Variants in LYST observed in about 807,000 individuals in gnomAD.
LYST encodes lysosomal trafficking regulator.
Under a neutral mutation model 413.6 loss-of-function variants are expected in LYST, and 192 were observed. The observed-to-expected ratio is 0.46, with a 90% CI of 0.41 to 0.52. The LOEUF (loss-of-function observed/expected upper bound fraction) is 0.52, where lower values mean the gene tolerates loss of function less well. Ranked by LOEUF, LYST falls within the 20% of genes least tolerant of loss-of-function variation. The pLI is 0.00. For missense variants in LYST, 3,815 were observed against 4,499.9 expected, an observed-to-expected ratio of 0.85 and a Z score of 4.35; for synonymous variants, 1,525 against 1,567.3, an observed-to-expected ratio of 0.97 and a Z score of 0.64.
rs565805096 is a variant in LYST at position 235,745,993 on chromosome 1, T to C, written c.7972+343A>G. Among the ~76,000 whole-genome samples, 139 of 152,286 alleles carry C rather than the reference T, an allele frequency of 9.1e-4. 1 individual carries two copies. Among genetic ancestry groups the C allele is most frequent in the Middle Eastern group, 3.4e-3 (1 of 294 alleles). On this transcript the variant is annotated intron_variant, in intron 29 of 52. Coordinates refer to ENST00000389793, the MANE Select transcript of LYST (RefSeq NM_000081.4). Reference sequence around the variant, plus strand: ...TGTTACTCACCTGGTGATGATATTATACTACAGTTCTGCAAGATTCATGGG... The same window carrying C: ...TGTTACTCACCTGGTGATGATATTACACTACAGTTCTGCAAGATTCATGGG...
At chr1:235,749,526 T>C (rs1168255991) in intron 28 of LYST, among the ~76,000 whole-genome samples, 3 of 152,066 alleles carry the variant, frequency 2.0e-5, no homozygotes, top group Non-Finnish European at 4.4e-5. Context: ...TAGGGGTGCA[T>C]GTGCCAGCAG....
At chr1:235,879,740 C>T (rs912295230) in intron 1 of LYST, among the ~76,000 whole-genome samples, 1 of 146,282 alleles carries the variant, frequency 6.8e-6, no homozygotes, top group Non-Finnish European at 1.5e-5. Context: ...TTCTTTCTTT[C>T]TTTTTTTTTT....
intron 1 of LYST, among the ~76,000 whole-genome samples, chr1:235,857,404 T>C (rs1679311632): frequency 6.6e-6 from 1 of 152,108 alleles, no homozygotes; most frequent in Non-Finnish European, 1.5e-5. Context: ...TCTTCCTATA[T>C]AAGGATGTTG....
intron 3 of LYST, among the ~76,000 whole-genome samples, chr1:235,816,654 C>A (rs532298003): frequency 6.6e-6 from 1 of 152,198 alleles, no homozygotes; most frequent in African/African-American, 2.4e-5. Flanking sequence ...CATTACTTGA[C>A]TTCAAACTAC....
chr1:235,666,605 C>T (rs932763043), intron 50 of LYST, among the ~76,000 whole-genome samples: 189 of 131,306 alleles, frequency 1.4e-3, no homozygotes, highest in African/African-American at 5.8e-3. Context: ...CACACACACA[C>T]ATACACACAC....
intron 21 of LYST, 77 bp from the exon 22 acceptor site, chr1:235,762,928 A>C: frequency 1.9e-6 from 2 of 1,075,740 alleles, no homozygotes; most frequent in Non-Finnish European, 2.8e-6. Context: ...AAAGCAGATC[A>C]TTAAATTCAA....
chr1:235,765,292 C>G (rs1668020709), intron 21 of LYST, among the ~76,000 whole-genome samples: 3 of 152,224 alleles, frequency 2.0e-5, no homozygotes, highest in African/African-American at 7.2e-5. Context: ...TTTATCCCTC[C>G]TTTCCAGTTC....
upstream of LYST, among the ~76,000 whole-genome samples, chr1:235,868,196 G>A (rs1364031048): frequency 6.6e-6 from 1 of 151,530 alleles, no homozygotes; most frequent in Non-Finnish European, 1.5e-5. Flanking sequence ...TTTTGAGACA[G>A]ATTCTCGCTC....
At chr1:235,857,528 AAAGAG>A (rs1250225834) in intron 1 of LYST, among the ~76,000 whole-genome samples, 3 of 152,024 alleles carry the variant, frequency 2.0e-5, no homozygotes. Flanking sequence ...AAGCACAAAG[AAAGAG>A]AAATGAGGAG....
intron 8 of LYST, among the ~76,000 whole-genome samples, chr1:235,802,364 G>C (rs190163446): frequency 1.3e-5 from 2 of 152,202 alleles, no homozygotes; most frequent in Admixed American, 1.3e-4. Flanking sequence ...AGGCAATATA[G>C]TTCCATCCTA....
intron 22 of LYST, among the ~76,000 whole-genome samples, chr1:235,761,260 C>T (rs1434395766): frequency 6.6e-6 from 1 of 152,098 alleles, no homozygotes; most frequent in Non-Finnish European, 1.5e-5. Flanking sequence ...ATCTCTATTA[C>T]CATCTCACCT....
chr1:235,699,655 C>T (rs1661392851), intron 45 of LYST, among the ~76,000 whole-genome samples: 3 of 152,218 alleles, frequency 2.0e-5, no homozygotes, highest in South Asian at 2.1e-4. Context: ...AATTGCCACA[C>T]TGTCTTCCAC....
chr1:235,829,161 C>T (rs1428981547), intron 3 of LYST: 1 of 152,176 alleles, frequency 6.6e-6, no homozygotes. Context: ...CGAGATTGCA[C>T]CACTGCACTC....
chr1:235,873,699 A>G (rs368135807), intron 1 of LYST, among the ~76,000 whole-genome samples: 3 of 152,234 alleles, frequency 2.0e-5, no homozygotes, highest in East Asian at 1.9e-4. Flanking sequence ...GTATTTGTCT[A>G]TCTTAATTCC....
At position 235,739,098 on chromosome 1, in the gene LYST, A is replaced by T. The variant is rs947531827; in HGVS notation, c.8358+2324T>A. On this transcript the variant is annotated intron_variant, in intron 31 of 52. Transcript: ENST00000389793. Reference sequence around the variant, plus strand: ...ATCTGTGATTAAAGCAGTGATGTTAAGATGGATTGGGAAAAACATCAATTC... The same window carrying T: ...ATCTGTGATTAAAGCAGTGATGTTATGATGGATTGGGAAAAACATCAATTC... 3 of 539,552 alleles carry T rather than the reference A, an allele frequency of 5.6e-6. No individual in the cohort carries two copies. The African/African-American group carries it at 5.7e-5, about 10-fold the overall frequency. The allele number at this position is 539,552 out of a possible 1,614,324, so 33.4% of individuals were successfully genotyped here.
chr1:235,871,936 T>G (rs1001361026), intron 1 of LYST, among the ~76,000 whole-genome samples: 2 of 152,192 alleles, frequency 1.3e-5, no homozygotes, highest in African/African-American at 4.8e-5. Flanking sequence ...GGTTCCTGGC[T>G]GGCTCTGAAA....
Position 235,753,163 on chromosome 1 carries a change from A to G in LYST, c.7341T>C (p.Ala2447=), listed in dbSNP as rs762986997. Residue 2447 remains alanine, a synonymous_variant, in exon 26 of 53, where the codon GCT becomes GCC. Coordinates refer to ENST00000389793, the MANE Select transcript of LYST (RefSeq NM_000081.4). ...SLYDNILLHN[A]LLLLLQILNS... ...TTAAAATTTGGAGAAGAAGTAAAAG[A>G]GCATTATGCAAGAGTATGTTGTCAT... 9 of 1,606,694 alleles carry G rather than the reference A, an allele frequency of 5.6e-6. No homozygotes were observed. The highest frequency in any genetic ancestry group is 7.7e-6 in the Non-Finnish European group (9 of 1,173,504).
intron 30 of LYST, among the ~76,000 whole-genome samples, chr1:235,742,570 TTATA>T (rs35428246): frequency 1.1e-3 from 157 of 146,944 alleles, no homozygotes; most frequent in Non-Finnish European, 1.1e-3. Flanking sequence ...AAATTTTATG[TTATA>T]TATATATATA....
rs755212068 is a variant in LYST at position 235,759,360 on chromosome 1, T to C, written c.6493A>G (p.Ile2165Val). 13 of 1,614,092 alleles carry C rather than the reference T, an allele frequency of 8.1e-6. No homozygotes were observed. Among genetic ancestry groups the C allele is most frequent in the South Asian group, 1.1e-5 (1 of 91,092 alleles). The change falls in exon 23 of 53, where the codon ATC becomes GTC. Residue 2165 changes from isoleucine to valine, a missense_variant. This residue lies in a region of LYST where 771 missense variants were observed against 837.1 expected (regional missense o/e 0.92). Transcript: ENST00000389793. Reference sequence around the variant, plus strand: ...GTTTTTGCAGACTCACAGCTACTGATGAATGCGTCCTCTTTGCCTTTTTTC... The same window carrying C: ...GTTTTTGCAGACTCACAGCTACTGACGAATGCGTCCTCTTTGCCTTTTTTC... The part of the protein sequence containing the change: ...TLKKGKEDAF[I>V]SSCESAKTVC...
Sources: allele counts gnomAD v4.1 joint callset (sites outside exome capture counted in the v4.1 genomes callset), GRCh38; gene constraint gnomAD v4.1.1; regional missense constraint gnomAD v4.1.1; transcripts MANE v1.5; gene names NCBI Gene and HGNC (gene_info 2026-07-23, HGNC 2026-07-21).